Variants in MALRD1 observed in about 807,000 individuals in gnomAD.
MALRD1 encodes the protein MAM and LDL-receptor class A domain-containing protein 1.
In MALRD1, 247 loss-of-function variants were observed where a neutral mutation model predicts 242.1. The observed-to-expected ratio is 1.02, with a 90% CI of 0.92 to 1.13. MALRD1 has a LOEUF of 1.13. Ranked by LOEUF, MALRD1 falls within the 50% of genes most tolerant of loss-of-function variation. The pLI is 0.00. For missense variants in MALRD1, 2,989 were observed against 2,533.1 expected, an observed-to-expected ratio of 1.18 and a Z score of -3.86; for synonymous variants, 995 against 866.6, an observed-to-expected ratio of 1.15 and a Z score of -2.60.
At position 19,137,760 on chromosome 10, in the gene MALRD1, A is replaced by G. The variant is rs1833401462; in HGVS notation, c.1411+979A>G. Among the ~76,000 whole-genome samples the G allele has an allele frequency of 2.6e-5, 4 of 152,322 alleles. No individual in the cohort carries two copies. In the South Asian group the frequency reaches 8.3e-4, roughly 32 times the overall value. ...ATCCCATTACTATTCAAGCATAGTC[A>G]TAGTTCAACAAAAATATAATTTAAT... is the stretch of plus-strand genomic sequence containing the variant. On this transcript the variant is annotated intron_variant, in intron 10 of 39. Coordinates refer to ENST00000454679, the MANE Select transcript of MALRD1 (RefSeq NM_001142308.3).
At chr10:19,461,253 TTGTC>T (rs1377471951) in intron 29 of MALRD1, among the ~76,000 whole-genome samples, 1 of 152,090 alleles carries the variant, frequency 6.6e-6, no homozygotes, top group African/African-American at 2.4e-5. Context: ...CTCACACAAA[TTGTC>T]TGGAAAGTTG....
intron 29 of MALRD1, chr10:19,489,449 A>G (rs1837385472): frequency 8.5e-6 from 5 of 586,084 alleles, no homozygotes; most frequent in South Asian, 6.9e-5. Flanking sequence ...CCCTTCTTGT[A>G]CAATCCAGGG....
At position 19,580,322 on chromosome 10, in the gene MALRD1, G is replaced by A. The variant is rs547029824; in HGVS notation, c.5680+12619G>A. On this transcript the variant is annotated intron_variant, in intron 33 of 39. Transcript: ENST00000454679. ...GCAAATATTGATATTGGGTAAAAGCGATAACTCTTTTGGGGCCTCTTAAGA... is the reference window on the plus strand; with the variant it reads ...GCAAATATTGATATTGGGTAAAAGCAATAACTCTTTTGGGGCCTCTTAAGA... 2.0e-5 allele frequency among the ~76,000 whole-genome samples: 3 copies of A among 152,178 alleles called. No homozygotes were observed. The East Asian group carries it at 5.8e-4, about 29-fold the overall frequency.
chr10:19,541,976 C>G (rs957448270), intron 32 of MALRD1, among the ~76,000 whole-genome samples: 1 of 151,980 alleles, frequency 6.6e-6, no homozygotes, highest in African/African-American at 2.4e-5. Context: ...ATGAAAAGGT[C>G]GACACTCAAG....
intron 24 of MALRD1, among the ~76,000 whole-genome samples, chr10:19,340,323 C>A (rs1407828372): frequency 6.7e-6 from 1 of 149,816 alleles, no homozygotes; most frequent in African/African-American, 2.5e-5. Context: ...TTATCACTGA[C>A]TGTAGTCAAT....
chr10:19,554,935 G>A (rs1000222042), intron 32 of MALRD1, among the ~76,000 whole-genome samples: 1 of 152,068 alleles, frequency 6.6e-6, no homozygotes, highest in African/African-American at 2.4e-5. Context: ...GGGTCAGATG[G>A]TATTTCTGGT....
chr10:19,261,620 G>A (rs1839755485), intron 19 of MALRD1, among the ~76,000 whole-genome samples: 1 of 151,466 alleles, frequency 6.6e-6, no homozygotes, highest in African/African-American at 2.4e-5. Context: ...ATAAAACAAA[G>A]CAAAATAAAT....
chr10:19,718,246 A>C (rs1210479588), intron 38 of MALRD1, among the ~76,000 whole-genome samples: 6 of 150,482 alleles, frequency 4.0e-5, no homozygotes, highest in Non-Finnish European at 7.5e-5. Context: ...CAGCAGCAGC[A>C]ATACCTGAGG....
intron 36 of MALRD1, among the ~76,000 whole-genome samples, chr10:19,626,124 A>G (rs1484291408): frequency 2.6e-5 from 4 of 152,098 alleles, no homozygotes; most frequent in South Asian, 4.1e-4. Flanking sequence ...GGAAAAGACA[A>G]TTTTGTAGAG....
intron 2 of MALRD1, among the ~76,000 whole-genome samples, chr10:19,086,012 C>T (rs1484576142): frequency 6.6e-6 from 1 of 152,000 alleles, no homozygotes; most frequent in African/African-American, 2.4e-5. Flanking sequence ...TGTTTACCTG[C>T]TGCAAGAGCC....
At chr10:19,195,936 C>G (rs921444593) in intron 14 of MALRD1, among the ~76,000 whole-genome samples, 1 of 152,102 alleles carries the variant, frequency 6.6e-6, no homozygotes, top group Non-Finnish European at 1.5e-5. Flanking sequence ...CATCTGTCTT[C>G]CACTTCCCTA....
At chr10:19,291,914 A>C (rs369729707) in intron 21 of MALRD1, among the ~76,000 whole-genome samples, 37 of 151,676 alleles carry the variant, frequency 2.4e-4, no homozygotes, top group African/African-American at 7.7e-4. Flanking sequence ...GTGAAACCCC[A>C]TCTCTATTAA....
chr10:19,176,952 C>T (rs1564445653), intron 14 of MALRD1, among the ~76,000 whole-genome samples: 1 of 151,832 alleles, frequency 6.6e-6, no homozygotes, highest in East Asian at 1.9e-4. Flanking sequence ...CCGAGGAGTG[C>T]AGAGCAGCAG....
chr10:19,450,534 T>A (rs1467595045), intron 29 of MALRD1, 44 bp downstream of exon 29: 3 of 1,463,402 alleles, frequency 2.1e-6, no homozygotes, highest in Non-Finnish European at 2.8e-6. Context: ...ACATTTTTAA[T>A]CTAGCCATTT....
At chr10:19,391,239 T>TAC (rs972332237) in intron 28 of MALRD1, among the ~76,000 whole-genome samples, 18 of 151,934 alleles carry the variant, frequency 1.2e-4, no homozygotes, top group South Asian at 1.0e-3. Context: ...CACACAAACA[T>TAC]ACACACACAC....
At chr10:19,300,459 T>C (rs1244762864) in intron 21 of MALRD1, among the ~76,000 whole-genome samples, 1 of 151,786 alleles carries the variant, frequency 6.6e-6, no homozygotes, top group Non-Finnish European at 1.5e-5. Context: ...CAATAAACTA[T>C]ATTACAAAGC....
chr10:19,264,957 T>C (rs1306747470), intron 19 of MALRD1, among the ~76,000 whole-genome samples: 1 of 152,212 alleles, frequency 6.6e-6, no homozygotes, highest in Non-Finnish European at 1.5e-5. Context: ...TTTTTTTATT[T>C]CTCGTTGATT....
At position 19,273,657 on chromosome 10, in the gene MALRD1, T is replaced by G. The variant is rs547720694; in HGVS notation, c.3080-6390T>G. On this transcript the variant is annotated intron_variant, in intron 19 of 39. Coordinates refer to ENST00000454679, the MANE Select transcript of MALRD1 (RefSeq NM_001142308.3). ...GCTACATACCCTATGATTCTGACAA[T>G]ATGACGTTCTGGAAAAAAGCAAAAC... Among the ~76,000 whole-genome samples, 3 of 152,272 alleles carry G rather than the reference T, an allele frequency of 2.0e-5. No individual in the cohort carries two copies. In the South Asian group the frequency reaches 6.2e-4, roughly 32 times the overall value.
At chr10:19,060,257 G>C (rs1216928808) in intron 1 of MALRD1, among the ~76,000 whole-genome samples, 2 of 152,180 alleles carry the variant, frequency 1.3e-5, no homozygotes, top group African/African-American at 4.8e-5. Context: ...TTATCTTACA[G>C]CAGTAAGAGG....
Sources: allele counts gnomAD v4.1 joint callset (sites outside exome capture counted in the v4.1 genomes callset), GRCh38; gene constraint gnomAD v4.1.1; transcripts MANE v1.5; gene names NCBI Gene and HGNC (gene_info 2026-07-23, HGNC 2026-07-21).